Variants in HTR1F observed in about 807,000 individuals in gnomAD.
The protein encoded by HTR1F is 5-hydroxytryptamine receptor 1F, also known as 5-hydroxytryptamine (serotonin) receptor 1F, G protein-coupled.
A neutral mutation model predicts 24.0 loss-of-function variants in HTR1F; 17 were observed. That is an observed-to-expected ratio of 0.71 (90% CI 0.48 to 1.06). HTR1F has a LOEUF of 1.06. HTR1F is among the 50% of genes least tolerant of loss of function. HTR1F has a pLI of 0.00. For missense variants in HTR1F, 391 were observed against 427.8 expected (o/e 0.91, Z 0.76); for synonymous variants, 186 against 156.8 (o/e 1.19, Z -1.39).
rs1704488315 is a variant in HTR1F, at chr3:87,827,434, T to C, written c.-43+5310T>C. ...TTTGTCAAACTGTGCTACCATTTTG[T>C]ATCCTGTGTCATAAACAAGTGTAAT... On this transcript the variant is annotated intron_variant, in intron 2 of 2. Coordinates refer to ENST00000319595, the MANE Select transcript of HTR1F (RefSeq NM_001322209.2). Among the ~76,000 whole-genome samples the C allele has an allele frequency of 4.6e-5, 7 of 152,338 alleles. No individual in the cohort carries two copies. The South Asian group carries it at 1.4e-3, about 32-fold the overall frequency.
intron 2 of HTR1F, among the ~76,000 whole-genome samples, chr3:87,829,696 A>G (rs2107148642): frequency 6.6e-6 from 1 of 152,356 alleles, no homozygotes; most frequent in South Asian, 2.1e-4. Flanking sequence ...CCACTCATGC[A>G]AAACACACTT....
At chr3:87,972,697 G>A (rs1425368217) in intron 2 of HTR1F, among the ~76,000 whole-genome samples, 2 of 151,940 alleles carry the variant, frequency 1.3e-5, no homozygotes, top group South Asian at 4.2e-4. Context: ...TCCACTAGTT[G>A]CCCATCGAGT....
intron 2 of HTR1F, among the ~76,000 whole-genome samples, chr3:87,955,391 C>T (rs914221766): frequency 1.3e-5 from 2 of 151,642 alleles, no homozygotes; most frequent in Admixed American, 1.3e-4. Context: ...CTGCTTTGTA[C>T]TAACTGATAA....
intron 2 of HTR1F, among the ~76,000 whole-genome samples, chr3:87,858,478 C>T (rs1289624560): frequency 1.3e-5 from 2 of 152,124 alleles, no homozygotes; most frequent in Non-Finnish European, 2.9e-5. Flanking sequence ...TTTTTCCTAT[C>T]CATGGTTTAC....
At chr3:87,800,965 G>C (rs1428369493) in intron 1 of HTR1F, among the ~76,000 whole-genome samples, 1 of 152,184 alleles carries the variant, frequency 6.6e-6, no homozygotes, top group African/African-American at 2.4e-5. Flanking sequence ...ATCAAGAAAA[G>C]TATATAGTCT....
chr3:87,859,152 C>G (rs1265193685), intron 2 of HTR1F, among the ~76,000 whole-genome samples: 1 of 152,146 alleles, frequency 6.6e-6, no homozygotes, highest in Non-Finnish European at 1.5e-5. Context: ...GAGCCAAGAT[C>G]GTGCCACTGC....
intron 2 of HTR1F, among the ~76,000 whole-genome samples, chr3:87,914,867 C>T (rs1410187800): frequency 6.6e-6 from 1 of 152,080 alleles, no homozygotes; most frequent in Non-Finnish European, 1.5e-5. Flanking sequence ...AAAGCACCAC[C>T]CCCTGGCAGG....
At chr3:87,833,231 G>A (rs1189622163) in intron 2 of HTR1F, among the ~76,000 whole-genome samples, 2 of 152,166 alleles carry the variant, frequency 1.3e-5, no homozygotes, top group African/African-American at 4.8e-5. Flanking sequence ...ATAGGGTGAA[G>A]AGACTTCTGC....
At chr3:87,943,392 T>A (rs1418660547) in intron 2 of HTR1F, among the ~76,000 whole-genome samples, 1 of 144,970 alleles carries the variant, frequency 6.9e-6, no homozygotes, top group Non-Finnish European at 1.5e-5. Context: ...AGAATTTACC[T>A]AGGTCTATTT....
In HTR1F at chr3:87,948,831, A is replaced by G. The variant is rs537780583; in HGVS notation, c.-42-41877A>G. 1.8e-4 allele frequency among the ~76,000 whole-genome samples: 27 copies of G among 152,282 alleles called. No homozygotes were observed. The South Asian group carries it at 3.1e-3, about 18-fold the overall frequency. The stretch of plus-strand genomic sequence containing the variant: ...ACTATTTGAGAACTATTCTGAGAAG[A>G]CTTAATTTTTAATGTTATGCCATGT... On this transcript the variant is annotated intron_variant, in intron 2 of 2. Coordinates refer to ENST00000319595, the MANE Select transcript of HTR1F (RefSeq NM_001322209.2).
At chr3:87,988,214 T>C (rs969355849) in intron 2 of HTR1F, among the ~76,000 whole-genome samples, 5 of 152,022 alleles carry the variant, frequency 3.3e-5, no homozygotes, top group Non-Finnish European at 7.4e-5. Context: ...GCACTCCAAA[T>C]TCAAGAACCA....
chr3:87,964,810 T>C (rs1705130244), intron 2 of HTR1F, among the ~76,000 whole-genome samples: 1 of 152,186 alleles, frequency 6.6e-6, no homozygotes, highest in South Asian at 2.1e-4. Flanking sequence ...GCTGTATCCT[T>C]ATGCAAATCT....
intron 2 of HTR1F, among the ~76,000 whole-genome samples, chr3:87,854,277 T>C (rs1488444400): frequency 6.6e-6 from 1 of 152,106 alleles, no homozygotes; most frequent in East Asian, 1.9e-4. Context: ...ATTTTTGATT[T>C]TCTGTTTTCT....
intron 2 of HTR1F, among the ~76,000 whole-genome samples, chr3:87,970,714 T>C (rs1053168906): frequency 6.6e-6 from 1 of 152,230 alleles, no homozygotes; most frequent in African/African-American, 2.4e-5. Context: ...CCTTCCCTTA[T>C]AATCTAAACT....
intron 2 of HTR1F, among the ~76,000 whole-genome samples, chr3:87,961,979 A>G (rs1705072847): frequency 6.6e-6 from 1 of 152,114 alleles, no homozygotes; most frequent in South Asian, 2.1e-4. Context: ...GATTCATTGT[A>G]TATCTGAAAT....
Position 87,991,667 on chromosome 3 carries a change from G to C in HTR1F, c.918G>C (p.Trp306Cys), listed in dbSNP as rs780856447. 1 of 1,613,338 alleles carries C rather than the reference G, an allele frequency of 6.2e-7. No homozygotes were observed. Among genetic ancestry groups the C allele is most frequent in the Non-Finnish European group, 8.5e-7 (1 of 1,179,646 alleles). Residue 306 changes from tryptophan to cysteine, a missense_variant, in exon 3 of 3, where the codon TGG becomes TGC. Coordinates refer to ENST00000319595, the MANE Select transcript of HTR1F (RefSeq NM_001322209.2). ...GLILGAFVICWLPFFVKELVV... is the reference protein window; with the variant it reads ...GLILGAFVICCLPFFVKELVV... ...TCTTGGGTGCATTTGTAATATGTTG[G>C]CTTCCTTTTTTTGTAAAAGAATTAG...
intron 2 of HTR1F, among the ~76,000 whole-genome samples, chr3:87,979,216 C>G (rs183624166): frequency 1.3e-5 from 2 of 151,684 alleles, no homozygotes; most frequent in African/African-American, 4.9e-5. Context: ...AGTCCAGGGG[C>G]CTTTGGATAA....
intron 2 of HTR1F, among the ~76,000 whole-genome samples, chr3:87,896,432 T>C (rs1706201027): frequency 6.6e-6 from 1 of 152,218 alleles, no homozygotes; most frequent in South Asian, 2.1e-4. Flanking sequence ...ACATGTTGTG[T>C]ATCTTTATTC....
chr3:87,892,424 G>C (rs1396983552), intron 2 of HTR1F, among the ~76,000 whole-genome samples: 2 of 151,960 alleles, frequency 1.3e-5, no homozygotes, highest in Non-Finnish European at 2.9e-5. Flanking sequence ...ATGTTTGTTT[G>C]CTTTACAATT....
Sources: allele counts gnomAD v4.1 joint callset (sites outside exome capture counted in the v4.1 genomes callset), GRCh38; gene constraint gnomAD v4.1.1; transcripts MANE v1.5; gene names NCBI Gene and HGNC (gene_info 2026-07-23, HGNC 2026-07-21).